ANO4: variants seen among roughly 807,000 people sequenced by gnomAD.
ANO4 encodes the protein anoctamin-4.
In ANO4, 69 loss-of-function variants were observed where a neutral mutation model predicts 141.9. The observed-to-expected ratio is 0.49, with a 90% CI of 0.40 to 0.59. ANO4 has a LOEUF of 0.59. ANO4 is among the 20% of genes least tolerant of loss of function. The pLI is 0.00. For synonymous variants in ANO4, 350 were observed against 394.3 expected (o/e 0.89, Z 1.33); for missense variants, 894 against 1,162.2 (o/e 0.77, Z 3.36).
At chr12:101,079,901 T>G (rs1476587165) in intron 15 of ANO4, among the ~76,000 whole-genome samples, 1 of 152,176 alleles carries the variant, frequency 6.6e-6, no homozygotes, top group African/African-American at 2.4e-5. Flanking sequence ...GTTCTAATAG[T>G]CTCTTCTTGC....
chr12:101,110,085 T>G (rs2050603902), intron 22 of ANO4, among the ~76,000 whole-genome samples: 1 of 152,172 alleles, frequency 6.6e-6, no homozygotes, highest in African/African-American at 2.4e-5. Context: ...GTCCCAGGCT[T>G]CTCTTGTATT....
At chr12:100,840,328 A>T (rs1172808554) in intron 1 of ANO4, among the ~76,000 whole-genome samples, 1 of 152,148 alleles carries the variant, frequency 6.6e-6, no homozygotes, top group Non-Finnish European at 1.5e-5. Flanking sequence ...TTACAAATTA[A>T]ATCTTGATCC....
chr12:100,940,593 T>C (rs2042469419), intron 4 of ANO4, among the ~76,000 whole-genome samples: 1 of 152,246 alleles, frequency 6.6e-6, no homozygotes, highest in Non-Finnish European at 1.5e-5. Flanking sequence ...TGGTCATCAA[T>C]TGAAAATGTC....
chr12:100,981,463 AAAGG>A (rs1360627036), intron 7 of ANO4, among the ~76,000 whole-genome samples: 1 of 150,686 alleles, frequency 6.6e-6, no homozygotes, highest in Non-Finnish European at 1.5e-5. Context: ...AGGAAGGAAG[AAAGG>A]AAGGGAGGGA....
intron 3 of ANO4, among the ~76,000 whole-genome samples, chr12:100,758,393 G>A (rs908188163): frequency 6.6e-6 from 1 of 152,296 alleles, no homozygotes; most frequent in African/African-American, 2.4e-5. Context: ...TGCAAGTGGA[G>A]TGAGGCAGTC....
chr12:101,112,425 G>C (rs1263298797), intron 24 of ANO4, among the ~76,000 whole-genome samples: 1 of 152,112 alleles, frequency 6.6e-6, no homozygotes, highest in African/African-American at 2.4e-5. Flanking sequence ...TTGGAGAAAG[G>C]GCAAGAAGTC....
chr12:101,052,659 A>G (rs1218064119), intron 14 of ANO4, among the ~76,000 whole-genome samples: 1 of 152,274 alleles, frequency 6.6e-6, no homozygotes, highest in African/African-American at 2.4e-5. Context: ...ATTTAAAAAA[A>G]TAAATTTTGC....
intron 3 of ANO4, among the ~76,000 whole-genome samples, chr12:100,759,474 G>C (rs1171016891): frequency 6.6e-6 from 1 of 152,100 alleles, no homozygotes; most frequent in African/African-American, 2.4e-5. Context: ...CATCTTCAGG[G>C]ATATCAAGAG....
intron 3 of ANO4, among the ~76,000 whole-genome samples, chr12:100,755,871 C>G (rs933826345): frequency 3.3e-5 from 5 of 152,300 alleles, no homozygotes; most frequent in Admixed American, 3.3e-4. Flanking sequence ...ACCACTTTCT[C>G]TGTGCTAGGG....
intron 1 of ANO4, among the ~76,000 whole-genome samples, chr12:100,894,771 C>G (rs1051658640): frequency 4.7e-4 from 72 of 151,880 alleles, no homozygotes; most frequent in Middle Eastern, 6.8e-3. Context: ...TTGAGACCAT[C>G]CCGGCTAAAA....
chr12:101,124,398 A>G (rs560383817), intron 26 of ANO4, among the ~76,000 whole-genome samples: 2 of 152,282 alleles, frequency 1.3e-5, no homozygotes, highest in African/African-American at 4.8e-5. Context: ...GATTACAAAA[A>G]TGTTCTCCCA....
At chr12:100,944,527 A>C (rs2042642345) in intron 5 of ANO4, among the ~76,000 whole-genome samples, 1 of 151,260 alleles carries the variant, frequency 6.6e-6, no homozygotes, top group African/African-American at 2.4e-5. Context: ...TTCTCTGGGC[A>C]TCACCTTCCA....
intron 5 of ANO4, among the ~76,000 whole-genome samples, chr12:100,970,003 G>C (rs887893464): frequency 6.6e-6 from 1 of 152,182 alleles, no homozygotes; most frequent in Non-Finnish European, 1.5e-5. Flanking sequence ...AAATCTGTTG[G>C]ATGGTTACTG....
chr12:100,780,560 A>G (rs138618282), intron 3 of ANO4, among the ~76,000 whole-genome samples: 190 of 152,374 alleles, frequency 1.2e-3, no homozygotes, highest in African/African-American at 4.5e-3. Flanking sequence ...GTAAACTGTC[A>G]TGGCACTGGT....
chr12:100,890,111 G>A (rs1593650743), intron 1 of ANO4, among the ~76,000 whole-genome samples: 2 of 152,172 alleles, frequency 1.3e-5, no homozygotes, highest in East Asian at 3.9e-4. Context: ...TATTGAGTAT[G>A]TCAGGCACCA....
chr12:100,835,122 G>A (rs560901864), intron 1 of ANO4, among the ~76,000 whole-genome samples: 55 of 152,274 alleles, frequency 3.6e-4, no homozygotes, highest in Non-Finnish European at 7.4e-4. Flanking sequence ...ATTGCAGCAA[G>A]CACCAAAATT....
chr12:100,766,531 C>T (rs1181433368), intron 3 of ANO4, among the ~76,000 whole-genome samples: 1 of 151,860 alleles, frequency 6.6e-6, no homozygotes, highest in Non-Finnish European at 1.5e-5. Context: ...GTTTACTTTC[C>T]CCATATTTGT....
At chr12:101,087,781 C>T (rs1191417508) in intron 17 of ANO4, among the ~76,000 whole-genome samples, 1 of 152,072 alleles carries the variant, frequency 6.6e-6, no homozygotes, top group South Asian at 2.1e-4. Flanking sequence ...TGTACTTGCC[C>T]AGACTAAAAG....
At chr12:100,721,015 T>C (rs1478993321) in intron 1 of ANO4, among the ~76,000 whole-genome samples, 1 of 152,174 alleles carries the variant, frequency 6.6e-6, no homozygotes, top group African/African-American at 2.4e-5. Flanking sequence ...TAGGACATCA[T>C]TTCCCCTCCC....
Sources: gnomAD v4.1 joint callset for allele counts (sites outside exome capture counted in the v4.1 genomes callset) on GRCh38, gnomAD v4.1.1 for gene constraint, MANE v1.5 for transcripts, NCBI Gene and HGNC (gene_info 2026-07-23, HGNC 2026-07-21) for gene names.